ADD1: variants seen among roughly 807,000 people sequenced by gnomAD.
ADD1 encodes the protein adducin 1.
ADD1 carries 24 observed loss-of-function variants against 80.5 expected under a neutral mutation model. That is an observed-to-expected ratio of 0.30 (90% CI 0.22 to 0.42). ADD1 has a LOEUF of 0.42. Ranked by LOEUF, ADD1 falls within the 10% of genes least tolerant of loss-of-function variation. The pLI is 1.00. For synonymous variants in ADD1, 373 were observed against 393.8 expected (o/e 0.95, Z 0.63); for missense variants, 948 against 1,019.0 (o/e 0.93, Z 0.95).
rs1730088078 is a variant in ADD1 at position 2,869,514 on chromosome 4, G to A, written c.-20-6382G>A. On this transcript the variant is annotated intron_variant, in intron 1 of 15. Transcript: ENST00000683351. The stretch of plus-strand genomic sequence containing the variant: ...GTAGCGACCCTATTTCCAAATAAGG[G>A]CATATTCTGAGGAACTGGGGGTTAG... Among the ~76,000 whole-genome samples the A allele has an allele frequency of 2.0e-5, 3 of 152,106 alleles. No homozygotes were observed. In the South Asian group the frequency reaches 6.2e-4, roughly 31 times the overall value.
chr4:2,856,273 AT>A (rs1728047132), intron 1 of ADD1, among the ~76,000 whole-genome samples: 1 of 152,168 alleles, frequency 6.6e-6, no homozygotes, highest in Non-Finnish European at 1.5e-5. Context: ...TTTTGGAGTT[AT>A]CCTACTGCTC....
intron 1 of ADD1, 99 bp downstream of exon 1, chr4:2,844,123 G>C (rs1725799174): frequency 6.7e-6 from 1 of 148,800 alleles, no homozygotes; most frequent in Non-Finnish European, 1.5e-5. Context: ...CGGGGGCCGC[G>C]GGGCCTGCGG....
At chr4:2,911,317 G>A (rs931905842) in intron 13 of ADD1, among the ~76,000 whole-genome samples, 2 of 152,126 alleles carry the variant, frequency 1.3e-5, no homozygotes, top group Admixed American at 6.5e-5. Flanking sequence ...CACAGTGCAA[G>A]TGTTGCCTTC....
intron 14 of ADD1, among the ~76,000 whole-genome samples, chr4:2,916,708 C>G (rs1739147027): frequency 6.6e-6 from 1 of 152,156 alleles, no homozygotes; most frequent in Non-Finnish European, 1.5e-5. Context: ...CTGACAGGCC[C>G]TGGTGTGTGA....
chr4:2,867,293 A>T (rs547102140), intron 1 of ADD1, among the ~76,000 whole-genome samples: 68 of 152,106 alleles, frequency 4.5e-4, no homozygotes, highest in Admixed American at 1.1e-3. Context: ...TTAGGTCTGG[A>T]GTTTGGGATG....
At chr4:2,862,802 T>A (rs182048267) in intron 1 of ADD1, among the ~76,000 whole-genome samples, 1 of 152,294 alleles carries the variant, frequency 6.6e-6, no homozygotes, top group East Asian at 1.9e-4. Context: ...ATGTAAGAAA[T>A]CTTTGTTTTG....
intron 4 of ADD1, among the ~76,000 whole-genome samples, chr4:2,885,712 C>T (rs902946354): frequency 6.6e-6 from 1 of 151,864 alleles, no homozygotes; most frequent in African/African-American, 2.4e-5. Flanking sequence ...CGGGTTCACG[C>T]CATTCTCCTG....
At position 2,884,626 on chromosome 4, in the gene ADD1, A is replaced by T. The variant is rs777115034; in HGVS notation, c.470A>T (p.Asp157Val). 1.2e-6 allele frequency: 2 copies of T among 1,611,524 alleles called. No individual in the cohort carries two copies. Among genetic ancestry groups the T allele is most frequent in the Admixed American group, 1.7e-5 (1 of 59,788 alleles). Residue 157 changes from aspartate (D) to valine (V), a missense_variant, in exon 4 of 16, where the codon GAT becomes GTT. By Grantham distance (152) the Asp-to-Val change is radical. Coordinates refer to ENST00000683351, the MANE Select transcript of ADD1 (RefSeq NM_001354761.2). Reference sequence around the variant, plus strand: ...TTGGCAGCGTTTTATAGACTAGCAGATCTCTTTGGGTGGTCTCAGCTTATC... The same window carrying T: ...TTGGCAGCGTTTTATAGACTAGCAGTTCTCTTTGGGTGGTCTCAGCTTATC... ...CKLAAFYRLADLFGWSQLIYN... is the reference protein window; with the variant it reads ...CKLAAFYRLAVLFGWSQLIYN...
At chr4:2,852,202 T>TCCTTC (rs1553815278) in intron 1 of ADD1, among the ~76,000 whole-genome samples, 1 of 110,298 alleles carries the variant, frequency 9.1e-6, no homozygotes, top group Non-Finnish European at 1.9e-5. Flanking sequence ...TTCTTTCCTT[T>TCCTTC]CTTTCCTTTC....
At position 2,928,653 on chromosome 4, in the gene ADD1, G is replaced by T; in HGVS notation, c.*130G>T. ...GCCCTCCGCCTAGAGGTCCCCTCAC[G>T]TGACCAGCCCCGTGTAGCCCCGGGC... On this transcript the variant is annotated 3_prime_UTR_variant, in exon 16 of 16. Transcript: ENST00000683351. 3.0e-6 allele frequency: 3 copies of T among 990,436 alleles called. No homozygotes were observed. Among genetic ancestry groups the T allele is most frequent in the Non-Finnish European group, 4.5e-6 (3 of 664,306 alleles). 61.4% of individuals were successfully genotyped at this position (990,436 alleles called of 1,614,324 possible).
At position 2,897,710 on chromosome 4, in the gene ADD1, C is replaced by CG. The variant is rs1227777476; in HGVS notation, c.742-469dup. 4.6e-5 allele frequency among the ~76,000 whole-genome samples: 7 copies of CG among 151,648 alleles called. No homozygotes were observed. The East Asian group carries it at 1.4e-3, about 29-fold the overall frequency. On this transcript the variant is annotated intron_variant, in intron 6 of 15. Transcript: ENST00000683351. ...AATTTAAAAATATTATTTGTAGAGGCGGGGGTCTCACTTTGTTGCCCAGGC... is the reference window on the plus strand; with the variant it reads ...AATTTAAAAATATTATTTGTAGAGGCGGGGGGTCTCACTTTGTTGCCCAGGC...
At chr4:2,855,878 T>A (rs780790034) in intron 1 of ADD1, among the ~76,000 whole-genome samples, 3 of 151,886 alleles carry the variant, frequency 2.0e-5, no homozygotes, top group Non-Finnish European at 4.4e-5. Flanking sequence ...TTTTGTATTT[T>A]TTTGTTGAAA....
At chr4:2,849,302 A>G (rs1185382671) in intron 1 of ADD1, among the ~76,000 whole-genome samples, 1 of 152,194 alleles carries the variant, frequency 6.6e-6, no homozygotes, top group Non-Finnish European at 1.5e-5. Flanking sequence ...ATAAACCTAG[A>G]CAGTGCTTCA....
At chr4:2,852,197 TCCTTTCTTTC>T (rs1314352975) in intron 1 of ADD1, among the ~76,000 whole-genome samples, 13 of 83,490 alleles carry the variant, frequency 1.6e-4, no homozygotes, top group African/African-American at 3.9e-4. Flanking sequence ...TTTCTTTCTT[TCCTTTCTTTC>T]CTTTCCTTTC....
intron 1 of ADD1, among the ~76,000 whole-genome samples, chr4:2,856,199 A>G (rs1046670003): frequency 6.6e-6 from 1 of 152,064 alleles, no homozygotes; most frequent in Non-Finnish European, 1.5e-5. Flanking sequence ...ACCTTCACCT[A>G]AGTTCTTGAA....
At chr4:2,891,013 AGT>A (rs1734214155) in intron 4 of ADD1, among the ~76,000 whole-genome samples, 1 of 152,096 alleles carries the variant, frequency 6.6e-6, no homozygotes, top group African/African-American at 2.4e-5. Context: ...GGCTGGATGC[AGT>A]GACTCCCACC....
chr4:2,896,381 G>C (rs916621004), intron 6 of ADD1, among the ~76,000 whole-genome samples: 1 of 151,724 alleles, frequency 6.6e-6, no homozygotes, highest in African/African-American at 2.4e-5. Context: ...GCTAATTTTT[G>C]TATTTTTAGT....
rs1283303873 is a variant in ADD1 at position 2,929,027 on chromosome 4, G to A, written c.*504G>A. On this transcript the variant is annotated 3_prime_UTR_variant, in exon 16 of 16. Transcript: ENST00000683351. ...AAGCCTTGGTCCCGTGAAAACACTC[G>A]TGTGCCCACCAGCGGCCTTGAAGAG... 2 of 155,760 alleles carry A rather than the reference G, an allele frequency of 1.3e-5. No individual in the cohort carries two copies. The highest frequency in any genetic ancestry group is 1.4e-5 in the Non-Finnish European group (1 of 70,792). The allele number at this position is 155,760 out of a possible 1,614,324, so 9.6% of individuals were successfully genotyped here.
At chr4:2,850,467 C>G (rs1726904532) in intron 1 of ADD1, among the ~76,000 whole-genome samples, 3 of 151,964 alleles carry the variant, frequency 2.0e-5, no homozygotes, top group African/African-American at 7.3e-5. Context: ...GCTCTGTCGC[C>G]CAGGCTGGAG....
Sources: gnomAD v4.1 joint callset for allele counts (sites outside exome capture counted in the v4.1 genomes callset) on GRCh38, gnomAD v4.1.1 for gene constraint, MANE v1.5 for transcripts, NCBI Gene and HGNC (gene_info 2026-07-23, HGNC 2026-07-21) for gene names.